Variants in MBOAT2 observed in about 807,000 individuals in gnomAD.
MBOAT2 encodes membrane-bound glycerophospholipid O-acyltransferase 2.
MBOAT2 carries 28 observed loss-of-function variants against 63.4 expected under a neutral mutation model. That is an observed-to-expected ratio of 0.44 (90% CI 0.33 to 0.61). The LOEUF (loss-of-function observed/expected upper bound fraction) is 0.61, where lower values mean the gene tolerates loss of function less well. MBOAT2 is among the 20% of genes least tolerant of loss of function. MBOAT2 has a pLI of 0.03. For synonymous variants in MBOAT2, 211 were observed against 215.6 expected, an observed-to-expected ratio of 0.98 and a Z score of 0.19; for missense variants, 470 against 605.8, an observed-to-expected ratio of 0.78 and a Z score of 2.35.
rs928617958 is a variant in MBOAT2 at position 8,862,454 on chromosome 2, C to T, written c.1185+136G>A. 1.5e-6 allele frequency: 2 copies of T among 1,317,894 alleles called. No individual in the cohort carries two copies. The highest frequency in any genetic ancestry group is 1.4e-5 in the South Asian group (1 of 71,112). 81.6% of individuals were successfully genotyped at this position (1,317,894 alleles called of 1,614,324 possible). A position where few individuals can be genotyped will look rare whatever the true frequency, so the allele number is the denominator to read the frequency against. On this transcript the variant is annotated intron_variant, in intron 11 of 12. Transcript: ENST00000305997. This position sits in a 1 kb window ranked among gnomAD's most constrained non-coding sequence, Gnocchi z 4.3. Reference sequence around the variant, plus strand: ...GCTCAGCAAACATGCACGCAGTACACACCTCGCTTCTAGTGGAAAGGACAA... The same window carrying T: ...GCTCAGCAAACATGCACGCAGTACATACCTCGCTTCTAGTGGAAAGGACAA...
intron 1 of MBOAT2, among the ~76,000 whole-genome samples, chr2:8,995,243 G>GA (rs942020343): frequency 3.6e-4 from 54 of 151,530 alleles, no homozygotes; most frequent in African/African-American, 1.1e-3. Flanking sequence ...TTAAAGGAGA[G>GA]AAAAAAAAAT....
At chr2:8,939,545 G>C (rs1441208769) in intron 3 of MBOAT2, among the ~76,000 whole-genome samples, 2 of 152,184 alleles carry the variant, frequency 1.3e-5, no homozygotes, top group African/African-American at 4.8e-5. Context: ...TTATGGTGAA[G>C]CAGGCAAGCT....
intron 1 of MBOAT2, among the ~76,000 whole-genome samples, chr2:8,966,105 T>C (rs567623989): frequency 4.0e-4 from 61 of 152,266 alleles, no homozygotes; most frequent in Admixed American, 3.3e-3. Context: ...AGACCCTGCA[T>C]TGATGGAAAG....
rs1249121358 is a variant in MBOAT2 at position 8,858,595 on chromosome 2, A to C, written c.*84T>G. The stretch of plus-strand genomic sequence containing the variant: ...TTTCCCCCCAGTTAACTGCTTTTCC[A>C]ACAAACTCAAACCCCTTGAAAAGGT... On this transcript the variant is annotated 3_prime_UTR_variant, in exon 13 of 13. Coordinates refer to ENST00000305997, the MANE Select transcript of MBOAT2 (RefSeq NM_138799.4). 3 of 1,042,980 alleles carry C rather than the reference A, an allele frequency of 2.9e-6. No homozygotes were observed. In the African/African-American group the frequency reaches 4.8e-5, roughly 17 times the overall value. 64.6% of individuals were successfully genotyped at this position (1,042,980 alleles called of 1,614,324 possible).
At chr2:8,909,054 C>T (rs1665524160) in intron 3 of MBOAT2, among the ~76,000 whole-genome samples, 1 of 151,974 alleles carries the variant, frequency 6.6e-6, no homozygotes, top group African/African-American at 2.4e-5. Context: ...AAAGTTAGCA[C>T]AAAAATATTT....
chr2:8,859,144 T>G (rs753408366), intron 12 of MBOAT2, among the ~76,000 whole-genome samples: 1 of 152,200 alleles, frequency 6.6e-6, no homozygotes, highest in Non-Finnish European at 1.5e-5. Context: ...GCATATTACA[T>G]TCCTTTGTAA....
intron 3 of MBOAT2, among the ~76,000 whole-genome samples, chr2:8,927,467 A>G (rs564634279): frequency 6.6e-6 from 1 of 152,330 alleles, no homozygotes; most frequent in South Asian, 2.1e-4. Flanking sequence ...AACAATTTTC[A>G]AGAAAACTGA....
chr2:8,868,321 T>C, intron 9 of MBOAT2, 125 bp downstream of exon 9: 1 of 753,246 alleles, frequency 1.3e-6, no homozygotes, highest in Non-Finnish European at 2.2e-6. Context: ...ATTGGTTAAA[T>C]GAAAGAATGA....
rs181902253 is a variant in MBOAT2, at chr2:8,973,444, A to G, written c.76-14802T>C. Reference sequence around the variant, plus strand: ...AATGCCGAGTTAATGGGTGCAGCACACCGACATGGCACATGTATACATATG... The same window carrying G: ...AATGCCGAGTTAATGGGTGCAGCACGCCGACATGGCACATGTATACATATG... On this transcript the variant is annotated intron_variant, in intron 1 of 12. Transcript: ENST00000305997. Among the ~76,000 whole-genome samples, 749 of 152,072 alleles carry G rather than the reference A, an allele frequency of 4.9e-3. 9 individuals are homozygous for G. Among genetic ancestry groups the G allele is most frequent in the South Asian group, 0.02 (94 of 4,814 alleles).
chr2:8,871,114 A>T (rs1662292548), intron 8 of MBOAT2, among the ~76,000 whole-genome samples: 1 of 151,564 alleles, frequency 6.6e-6, no homozygotes, highest in Admixed American at 6.6e-5. Flanking sequence ...CCCACCTCAG[A>T]CTCCTGAGTA....
At position 8,890,291 on chromosome 2, in the gene MBOAT2, AACAC is replaced by A. The variant is rs148077830; in HGVS notation, c.396-2222_396-2219del. 1.1e-4 allele frequency among the ~76,000 whole-genome samples: 16 copies of A among 151,892 alleles called. 1 individual carries two copies. Among genetic ancestry groups the A allele is most frequent in the African/African-American group, 3.9e-4 (16 of 41,344 alleles). On this transcript the variant is annotated intron_variant, in intron 4 of 12. Transcript: ENST00000305997. ...AAGTAGCTTCCCCTGTGCCCACAAA[AACAC>A]ACACACACACGCGCGCACGCAAATA...
At chr2:8,892,753 T>C (rs1164520654) in intron 4 of MBOAT2, among the ~76,000 whole-genome samples, 2 of 151,948 alleles carry the variant, frequency 1.3e-5, no homozygotes, top group African/African-American at 4.8e-5. Flanking sequence ...ACAAGCTCTG[T>C]GGAGGCCTGG....
chr2:8,914,940 T>TC (rs1666045028), intron 3 of MBOAT2, among the ~76,000 whole-genome samples: 1 of 134,766 alleles, frequency 7.4e-6, no homozygotes, highest in South Asian at 2.7e-4. Flanking sequence ...ATTTCTTTTT[T>TC]TTTTTTTTTT....
intron 1 of MBOAT2, among the ~76,000 whole-genome samples, chr2:8,988,384 T>G (rs183973275): frequency 6.6e-6 from 1 of 152,370 alleles, no homozygotes; most frequent in Non-Finnish European, 1.5e-5. Context: ...GTATAAACAC[T>G]CTACAGTTAC....
At chr2:8,961,154 A>T (rs1437561272) in intron 1 of MBOAT2, among the ~76,000 whole-genome samples, 1 of 152,238 alleles carries the variant, frequency 6.6e-6, no homozygotes, top group Non-Finnish European at 1.5e-5. Context: ...CTCAATAGAA[A>T]ACTGGGCAAA....
At chr2:8,920,612 T>A (rs926837707) in intron 3 of MBOAT2, among the ~76,000 whole-genome samples, 1 of 152,088 alleles carries the variant, frequency 6.6e-6, no homozygotes, top group Non-Finnish European at 1.5e-5. Context: ...AATCTATAGA[T>A]GAATTTGTGA....
chr2:8,967,479 A>G (rs980600303), intron 1 of MBOAT2, among the ~76,000 whole-genome samples: 2 of 152,248 alleles, frequency 1.3e-5, no homozygotes, highest in African/African-American at 4.8e-5. Flanking sequence ...CTTGGATGGG[A>G]AGACTCGGAA....
intron 4 of MBOAT2, among the ~76,000 whole-genome samples, chr2:8,895,062 G>A (rs1463441523): frequency 1.3e-5 from 2 of 152,212 alleles, no homozygotes; most frequent in African/African-American, 4.8e-5. Context: ...GCCTCATAAA[G>A]GCGGTGGGGA....
At chr2:8,920,291 T>G (rs565437944) in intron 3 of MBOAT2, among the ~76,000 whole-genome samples, 92 of 152,316 alleles carry the variant, frequency 6.0e-4, no homozygotes, top group Non-Finnish European at 1.1e-3. Flanking sequence ...CACTGTGTAT[T>G]GAAAAAACTA....
Sources: gnomAD v4.1 joint callset for allele counts (sites outside exome capture counted in the v4.1 genomes callset) on GRCh38, gnomAD v4.1.1 for gene constraint, Gnocchi (gnomAD v3.1) non-coding constraint, MANE v1.5 for transcripts, NCBI Gene and HGNC (gene_info 2026-07-23, HGNC 2026-07-21) for gene names.